GPRIN3: variants seen among roughly 807,000 people sequenced by gnomAD.
GPRIN3 encodes the protein GPRIN family member 3.
A neutral mutation model predicts 13.7 loss-of-function variants in GPRIN3; 12 were observed. The observed-to-expected ratio is 0.87, with a 90% CI of 0.56 to 1.42. The LOEUF (loss-of-function observed/expected upper bound fraction) is 1.42. Ranked by LOEUF, GPRIN3 falls within the 40% of genes most tolerant of loss-of-function variation. GPRIN3 has a pLI of 0.00. For synonymous variants in GPRIN3, 377 were observed against 372.7 expected (o/e 1.01, Z -0.13); for missense variants, 1,009 against 958.7 (o/e 1.05, Z -0.69).
In GPRIN3 at chr4:89,238,885, A is replaced by G. The variant is rs939599807; in HGVS notation, c.*8895T>C. ...TATCTATATTACATTTATTATGAAA[A>G]GTGAGATGCAAAAAAATCATAATCT... On this transcript the variant is annotated 3_prime_UTR_variant, in exon 2 of 2. Coordinates refer to ENST00000609438, the MANE Select transcript of GPRIN3 (RefSeq NM_198281.3). The G allele has an allele frequency of 3.3e-5, 5 of 152,196 alleles. No homozygotes were observed. The highest frequency in any genetic ancestry group is 1.2e-4 in the African/African-American group (5 of 41,446). The allele number at this position is 152,196 out of a possible 1,614,324, so 9.4% of individuals were successfully genotyped here. A position where few individuals can be genotyped will look rare whatever the true frequency, so the allele number is the denominator to read the frequency against.
chr4:89,258,868 T>C (rs995550891), intron 1 of GPRIN3, among the ~76,000 whole-genome samples: 6 of 152,222 alleles, frequency 3.9e-5, no homozygotes, highest in African/African-American at 1.4e-4. Flanking sequence ...CTCTATGGCA[T>C]TGGAAAATGT....
At chr4:89,289,822 T>A (rs562675080) in intron 1 of GPRIN3, among the ~76,000 whole-genome samples, 1 of 152,192 alleles carries the variant, frequency 6.6e-6, no homozygotes, top group East Asian at 2.0e-4. Context: ...AAATGACATC[T>A]TTTTTAAAAC....
intron 1 of GPRIN3, among the ~76,000 whole-genome samples, chr4:89,253,697 G>A (rs1464724835): frequency 2.0e-5 from 3 of 152,174 alleles, no homozygotes; most frequent in Admixed American, 6.5e-5. Context: ...TATTTCATTT[G>A]CTTTGCTAAT....
At chr4:89,273,543 T>C (rs1033181881) in intron 1 of GPRIN3, among the ~76,000 whole-genome samples, 1 of 152,018 alleles carries the variant, frequency 6.6e-6, no homozygotes, top group Non-Finnish European at 1.5e-5. Flanking sequence ...AAAAATTAGC[T>C]AGGCGTGGTG....
chr4:89,301,980 G>A (rs1243645091), intron 1 of GPRIN3, among the ~76,000 whole-genome samples: 1 of 152,132 alleles, frequency 6.6e-6, no homozygotes, highest in Non-Finnish European at 1.5e-5. Context: ...ATCTTCTAGA[G>A]GTGGCTTGGT....
At chr4:89,251,938 A>G (rs1476425638) in intron 1 of GPRIN3, among the ~76,000 whole-genome samples, 1 of 152,070 alleles carries the variant, frequency 6.6e-6, no homozygotes, top group East Asian at 1.9e-4. Context: ...TTTAGGGCAT[A>G]TCATTATGTA....
chr4:89,292,238 A>G (rs531966397), intron 1 of GPRIN3, among the ~76,000 whole-genome samples: 15 of 152,284 alleles, frequency 9.9e-5, no homozygotes, highest in African/African-American at 2.9e-4. Flanking sequence ...TAATAAAACT[A>G]TATACTTTCT....
At chr4:89,260,682 A>G (rs1391157205) in intron 1 of GPRIN3, among the ~76,000 whole-genome samples, 2 of 152,222 alleles carry the variant, frequency 1.3e-5, no homozygotes, top group South Asian at 2.1e-4. Flanking sequence ...TTCTAATTCA[A>G]TTGACATTTC....
intron 1 of GPRIN3, among the ~76,000 whole-genome samples, chr4:89,266,801 G>A (rs1294394327): frequency 2.0e-5 from 3 of 152,142 alleles, no homozygotes; most frequent in Non-Finnish European, 2.9e-5. Context: ...TAAATGATTA[G>A]TGAATGATAT....
In GPRIN3 at chr4:89,249,701, G is replaced by T. The variant is rs1381617382; in HGVS notation, c.410C>A (p.Ser137Tyr). The change falls in exon 2 of 2, where the codon TCC becomes TAC. Residue 137 changes from serine (S) to tyrosine (Y), a missense_variant. Transcript: ENST00000609438. The stretch of plus-strand genomic sequence containing the variant: ...GGCATTGGGCTGATCACCTGGGATG[G>T]ACTGGCAGGTGTGCTGATTGGCGGG... ...TMPANQHTCQ[S>Y]IPGDQPNAIT... 7.4e-6 allele frequency: 12 copies of T among 1,614,076 alleles called. No homozygotes were observed. The Admixed American group carries it at 2.0e-4, about 27-fold the overall frequency.
chr4:89,300,722 C>T (rs534683071), intron 1 of GPRIN3, among the ~76,000 whole-genome samples: 2 of 152,180 alleles, frequency 1.3e-5, no homozygotes, highest in African/African-American at 4.8e-5. Context: ...GAGCTCAGCC[C>T]CTTACCCTGA....
At chr4:89,258,327 G>A (rs746827422) in intron 1 of GPRIN3, among the ~76,000 whole-genome samples, 82 of 151,374 alleles carry the variant, frequency 5.4e-4, no homozygotes, top group Non-Finnish European at 5.2e-4. Context: ...AGCAATTCTC[G>A]TGCCTCAGTC....
intron 1 of GPRIN3, among the ~76,000 whole-genome samples, chr4:89,266,436 T>C (rs1723781862): frequency 1.3e-5 from 2 of 152,214 alleles, no homozygotes; most frequent in South Asian, 4.1e-4. Context: ...TGCCACTTAC[T>C]CTTGTTCTTT....
chr4:89,258,291 C>T (rs1723535346), intron 1 of GPRIN3, among the ~76,000 whole-genome samples: 1 of 150,550 alleles, frequency 6.6e-6, no homozygotes, highest in African/African-American at 2.4e-5. Context: ...GTGGTGCCAA[C>T]CTGCAACCTC....
chr4:89,249,996 G>T lies in GPRIN3; in HGVS notation c.115C>A (p.Leu39Ile). 8.7e-6 allele frequency: 14 copies of T among 1,614,202 alleles called. No individual in the cohort carries two copies. The highest frequency in any genetic ancestry group is 1.2e-5 in the Non-Finnish European group (14 of 1,180,020). ...QAASPRHRPA[L>I]LCKNANGFSG... is the part of the protein sequence containing the mutation. The stretch of plus-strand genomic sequence containing the variant: ...AAGCCATTGGCATTCTTACACAGGA[G>T]AGCTGGTCGATGCCGAGGTGAGGCA... The change falls in exon 2 of 2, where the codon CTC becomes ATC. Residue 39 changes from leucine (L) to isoleucine (I), a missense_variant. Leu to Ile is a conservative substitution (Grantham distance 5, BLOSUM62 2). Transcript: ENST00000609438.
At position 89,248,879 on chromosome 4, in the gene GPRIN3, G is replaced by A. The variant is rs748038123; in HGVS notation, c.1232C>T (p.Ala411Val). 2.7e-5 allele frequency: 44 copies of A among 1,613,996 alleles called. No individual in the cohort carries two copies. In the Admixed American group the frequency reaches 3.3e-4, roughly 12 times the overall value. The change falls in exon 2 of 2, where the codon GCG becomes GTG. Residue 411 changes from alanine (A) to valine (V), a missense_variant. By Grantham distance (64) the Ala-to-Val change is moderately conservative. Transcript: ENST00000609438. ...STAFQRENKLASLPGGVLKTS... is the reference protein window; with the variant it reads ...STAFQRENKLVSLPGGVLKTS... ...TTTAAGGACCCCACCTGGTAGGCTC[G>A]CAAGTTTATTTTCCCGTTGGAAAGC... is the stretch of plus-strand genomic sequence containing the variant.
chr4:89,260,128 T>C (rs1050344285), intron 1 of GPRIN3, among the ~76,000 whole-genome samples: 4 of 152,090 alleles, frequency 2.6e-5, no homozygotes, highest in African/African-American at 9.7e-5. Context: ...TTTAATCACA[T>C]TGGAGGATGG....
intron 1 of GPRIN3, among the ~76,000 whole-genome samples, chr4:89,300,209 C>T (rs1724856731): frequency 6.6e-6 from 1 of 152,070 alleles, no homozygotes; most frequent in Non-Finnish European, 1.5e-5. Flanking sequence ...ACAGTCATAG[C>T]ATTTTGGAGC....
At chr4:89,299,669 T>C (rs1724839772) in intron 1 of GPRIN3, among the ~76,000 whole-genome samples, 1 of 152,180 alleles carries the variant, frequency 6.6e-6, no homozygotes, top group African/African-American at 2.4e-5. Flanking sequence ...CAGCCTACTG[T>C]AATCATTAAC....
Sources: allele counts gnomAD v4.1 joint callset (sites outside exome capture counted in the v4.1 genomes callset), GRCh38; gene constraint gnomAD v4.1.1; transcripts MANE v1.5; gene names NCBI Gene and HGNC (gene_info 2026-07-23, HGNC 2026-07-21).